The following LRGUK variants were observed in gnomAD, a reference collection of about 807,000 sequenced individuals.
LRGUK encodes leucine rich repeats and guanylate kinase domain containing.
A neutral mutation model predicts 76.0 loss-of-function variants in LRGUK; 65 were observed. That is an observed-to-expected ratio of 0.85 (90% CI 0.70 to 1.05). The LOEUF (loss-of-function observed/expected upper bound fraction) is 1.05. Ranked by LOEUF, LRGUK falls within the 50% of genes least tolerant of loss-of-function variation. The probability of loss-of-function intolerance (pLI) is 0.00; values close to 1 mark genes in which losing one functional copy is unlikely to be tolerated. For synonymous variants in LRGUK, 268 were observed against 265.6 expected (o/e 1.01, Z -0.09); for missense variants, 758 against 732.8 (o/e 1.03, Z -0.40).
chr7:134,208,272 G>A (rs988495030), intron 15 of LRGUK, among the ~76,000 whole-genome samples: 3 of 152,130 alleles, frequency 2.0e-5, no homozygotes, highest in Non-Finnish European at 4.4e-5. Flanking sequence ...GAGGGCTGCC[G>A]TTAAATAAGG....
At chr7:134,187,091 T>C (rs1159794389) in intron 11 of LRGUK, among the ~76,000 whole-genome samples, 1 of 152,048 alleles carries the variant, frequency 6.6e-6, no homozygotes, top group Non-Finnish European at 1.5e-5. Context: ...ATGCATCGGA[T>C]GGAAAAGGAT....
chr7:134,203,509 G>A (rs1038794017), intron 15 of LRGUK, among the ~76,000 whole-genome samples: 2 of 152,152 alleles, frequency 1.3e-5, no homozygotes, highest in African/African-American at 2.4e-5. Flanking sequence ...CAGGTTGAGG[G>A]CCCCTGGTAT....
rs538398451 is a variant in LRGUK at position 134,243,727 on chromosome 7, A to G, written c.1984-3829A>G. Among the ~76,000 whole-genome samples, 3 of 152,352 alleles carry G rather than the reference A, an allele frequency of 2.0e-5. No individual in the cohort carries two copies. In the East Asian group the frequency reaches 5.8e-4, roughly 29 times the overall value. ...TTTAAAGTTCATATGGAACCAAAAA[A>G]GAGCCCGCATTGCCAAGACAATCCT... On this transcript the variant is annotated intron_variant, in intron 16 of 19. Transcript: ENST00000285928.
At position 134,247,863 on chromosome 7, in the gene LRGUK, A is replaced by C. The variant is rs565132202; in HGVS notation, c.2072+219A>C. On this transcript the variant is annotated intron_variant, in intron 17 of 19. Coordinates refer to the LRGUK transcript ENST00000285928. ...GCTACTAGAAACTGATGATTTTTTG[A>C]AGATTGCAAAGAATATTTCTTTGCA... 5.9e-5 allele frequency among the ~76,000 whole-genome samples: 9 copies of C among 152,290 alleles called. 1 individual carries two copies. In the South Asian group the frequency reaches 6.2e-4, roughly 11 times the overall value.
At chr7:134,178,935 A>AAAAAAACAAAAAACC (rs1554464252) in intron 10 of LRGUK, among the ~76,000 whole-genome samples, 2 of 25,474 alleles carry the variant, frequency 7.9e-5, no homozygotes, top group African/African-American at 2.5e-4. Flanking sequence ...TCAAAAAAAA[A>AAAAAAACAAAAAACC]AAAAAAAAAA....
At chr7:134,230,333 C>G (rs1313736311) in intron 16 of LRGUK, among the ~76,000 whole-genome samples, 1 of 151,978 alleles carries the variant, frequency 6.6e-6, no homozygotes, top group Non-Finnish European at 1.5e-5. Context: ...ACTAAAAGTA[C>G]TAAAATTATA....
rs574570816 is a variant in LRGUK, at chr7:134,218,174, G to A, written c.1844-3605G>A. Among the ~76,000 whole-genome samples, 6 of 152,242 alleles carry A rather than the reference G, an allele frequency of 3.9e-5. No homozygotes were observed. In the South Asian group the frequency reaches 1.2e-3, roughly 32 times the overall value. On this transcript the variant is annotated intron_variant, in intron 15 of 19. Coordinates refer to the LRGUK transcript ENST00000285928. ...ATGGGGTTTTGCCAATGTTGGCCAG[G>A]CTGGTCTCGAACTCCTGACCTCAAG... is the stretch of plus-strand genomic sequence containing the variant.
chr7:134,263,699 G>A (rs1802799502), intron 19 of LRGUK, 146 bp from the exon 20 acceptor site: 1 of 555,460 alleles, frequency 1.8e-6, no homozygotes, highest in South Asian at 4.8e-5. Flanking sequence ...ATAGGTGTAA[G>A]CCACTGCACC....
At chr7:134,250,285 T>C (rs1802413187) in intron 18 of LRGUK, among the ~76,000 whole-genome samples, 1 of 152,182 alleles carries the variant, frequency 6.6e-6, no homozygotes, top group Non-Finnish European at 1.5e-5. Context: ...TAAAAAACTA[T>C]TAAAAATCCC....
At chr7:134,199,393 G>C in exon 14 of LRGUK, 1 of 1,613,396 alleles carries the variant, frequency 6.2e-7, no homozygotes, top group Non-Finnish European at 8.5e-7. Context: ...AGAATTTTCC[G>C]GGATATTTTG....
intron 16 of LRGUK, among the ~76,000 whole-genome samples, chr7:134,233,548 A>G (rs1801949871): frequency 6.6e-6 from 1 of 152,216 alleles, no homozygotes; most frequent in Non-Finnish European, 1.5e-5. Flanking sequence ...AGTATTAGGC[A>G]CTTGCATCCA....
At chr7:134,181,733 G>A (rs1339357473) in intron 10 of LRGUK, among the ~76,000 whole-genome samples, 2 of 152,118 alleles carry the variant, frequency 1.3e-5, no homozygotes, top group Non-Finnish European at 2.9e-5. Flanking sequence ...ATAATACAGA[G>A]AAATTCCATA....
At chr7:134,161,002 A>T (rs1272601296) in intron 6 of LRGUK, among the ~76,000 whole-genome samples, 2 of 152,122 alleles carry the variant, frequency 1.3e-5, no homozygotes, top group Non-Finnish European at 2.9e-5. Context: ...TTCTTTTATG[A>T]CATGACAGTA....
chr7:134,173,110 C>A (rs1389006993), intron 7 of LRGUK, among the ~76,000 whole-genome samples: 1 of 147,218 alleles, frequency 6.8e-6, no homozygotes, highest in African/African-American at 2.5e-5. Flanking sequence ...AACAATTGAT[C>A]CCTTTTAAAA....
intron 5 of LRGUK, among the ~76,000 whole-genome samples, chr7:134,153,772 G>C (rs901689502): frequency 6.6e-6 from 1 of 152,160 alleles, no homozygotes; most frequent in Non-Finnish European, 1.5e-5. Flanking sequence ...TTCTCCTATA[G>C]TGAAGAGCAT....
chr7:134,134,182 T>G (rs1797432372), intron 1 of LRGUK, among the ~76,000 whole-genome samples: 2 of 152,058 alleles, frequency 1.3e-5, no homozygotes, highest in South Asian at 4.1e-4. Context: ...GACTGGAGAT[T>G]TGTTGTGGTC....
intron 16 of LRGUK, among the ~76,000 whole-genome samples, chr7:134,240,437 G>A (rs1279035102): frequency 6.6e-6 from 1 of 152,190 alleles, no homozygotes; most frequent in Non-Finnish European, 1.5e-5. Flanking sequence ...TTGATCAACT[G>A]GAAGAAAGGG....
intron 16 of LRGUK, among the ~76,000 whole-genome samples, chr7:134,229,362 C>T (rs958570937): frequency 1.4e-4 from 17 of 119,138 alleles, no homozygotes; most frequent in African/African-American, 4.5e-4. Context: ...GACTCCATCT[C>T]AAAAAAAAAA....
At chr7:134,221,982 G>T in intron 16 of LRGUK, 64 bp downstream of exon 16, 1 of 1,373,800 alleles carries the variant, frequency 7.3e-7, no homozygotes, top group South Asian at 2.0e-5. Context: ...ACAAAGAGGG[G>T]ATTTAATATT....
Sources: allele counts gnomAD v4.1 joint callset (sites outside exome capture counted in the v4.1 genomes callset), GRCh38; gene constraint gnomAD v4.1.1; transcripts MANE v1.5; gene names NCBI Gene and HGNC (gene_info 2026-07-23, HGNC 2026-07-21).